ETV7: variants seen among roughly 807,000 people sequenced by gnomAD.
ETV7 encodes transcription factor ETV7.
Under a neutral mutation model 39.1 loss-of-function variants are expected in ETV7, and 43 were observed. That is an observed-to-expected ratio of 1.10 (90% CI 0.86 to 1.42). ETV7 has a LOEUF of 1.42. Among genes scored for constraint, ETV7 ranks in the 40% most tolerant of loss-of-function variants. The probability of loss-of-function intolerance (pLI) is 0.00; values close to 1 mark genes in which losing one functional copy is unlikely to be tolerated. For synonymous variants in ETV7, 196 were observed against 176.6 expected (o/e 1.11, Z -0.87); for missense variants, 432 against 442.3 (o/e 0.98, Z 0.21).
Position 36,371,481 on chromosome 6 carries a change from G to A in ETV7, c.513C>T (p.Phe171=), listed in dbSNP as rs993711705. 1.7e-5 allele frequency: 28 copies of A among 1,604,182 alleles called. No homozygotes were observed. The Middle Eastern group carries it at 3.0e-3, about 170-fold the overall frequency. Residue 171 remains phenylalanine, a synonymous_variant, in exon 5 of 8, where the codon TTC becomes TTT. Transcript: ENST00000340181. ...QPPDPGLTSN[F]GHLDDPGLAR... is the part of the protein sequence containing the mutation. ...CCAGGCCAGGGTCATCCAGGTGGCC[G>A]AAGTTGCTGGTAAGCCCTGGGTCTG...
downstream of ETV7, among the ~76,000 whole-genome samples, chr6:36,363,339 A>T (rs375888626): frequency 1.3e-5 from 2 of 151,804 alleles, no homozygotes; most frequent in African/African-American, 4.8e-5. Flanking sequence ...GGTGAGTGTT[A>T]CAGCCCTTAA....
At chr6:36,382,647 G>T (rs12208229) in intron 2 of ETV7, among the ~76,000 whole-genome samples, 1 of 152,042 alleles carries the variant, frequency 6.6e-6, no homozygotes, top group Admixed American at 6.5e-5. Flanking sequence ...CCCAAAATCT[G>T]TTCAAGCTTC....
At chr6:36,373,935 G>A (rs1360832233) in intron 3 of ETV7, among the ~76,000 whole-genome samples, 1 of 152,190 alleles carries the variant, frequency 6.6e-6, no homozygotes, top group African/African-American at 2.4e-5. Flanking sequence ...CACGTTCCTG[G>A]GAGCAGAGAC....
intron 7 of ETV7, among the ~76,000 whole-genome samples, chr6:36,360,435 G>A (rs767302808): frequency 2.6e-5 from 4 of 152,086 alleles, no homozygotes; most frequent in African/African-American, 7.2e-5. Flanking sequence ...TGCTATCAAC[G>A]GACAGCTGGC....
At position 36,375,946 on chromosome 6, in the gene ETV7, G is replaced by A. The variant is rs1316194641; in HGVS notation, c.232C>T (p.His78Tyr). 1.2e-6 allele frequency: 2 copies of A among 1,613,716 alleles called. No homozygotes were observed. The highest frequency in any genetic ancestry group is 1.7e-4 in the Middle Eastern group (1 of 6,060). Reference sequence around the variant, plus strand: ...GCGCGTCCGTTCATCTCGAACCCGTGCTCCGCGGTGCATGGCAGAGAGTAC... The same window carrying A: ...GCGCGTCCGTTCATCTCGAACCCGTACTCCGCGGTGCATGGCAGAGAGTAC... Reference protein sequence around the residue: ...QEYSLPCTAEHGFEMNGRALC... With the variant: ...QEYSLPCTAEYGFEMNGRALC... The change falls in exon 3 of 8, where the codon CAC becomes TAC. Residue 78 changes from histidine (H) to tyrosine (Y), a missense_variant. His to Tyr is a moderately conservative substitution (Grantham distance 83, BLOSUM62 2). Transcript: ENST00000340181.
Position 36,366,471 on chromosome 6 carries a change from T to G in ETV7, c.*174A>C. On this transcript the variant is annotated 3_prime_UTR_variant, in exon 8 of 8. Coordinates refer to ENST00000340181, the MANE Select transcript of ETV7 (RefSeq NM_016135.4). ...TGCCCTGCCCAAAAGATGACACTCC[T>G]GCCCCCAGTGTCCTGGATGGGAGGC... 6.8e-7 allele frequency: 1 copy of G among 1,476,210 alleles called. No individual in the cohort carries two copies. The highest frequency in any genetic ancestry group is 8.9e-7 in the Non-Finnish European group (1 of 1,120,176). 91.4% of individuals were successfully genotyped at this position (1,476,210 alleles called of 1,614,324 possible).
At chr6:36,358,129 C>A (rs1195542216) in intron 7 of ETV7, among the ~76,000 whole-genome samples, 1 of 152,178 alleles carries the variant, frequency 6.6e-6, no homozygotes, top group East Asian at 1.9e-4. Flanking sequence ...GATGCTATGG[C>A]CAGCATGACT....
At chr6:36,363,554 A>G (rs148142313), downstream of ETV7, among the ~76,000 whole-genome samples, 671 of 152,364 alleles carry the variant, frequency 4.4e-3, 3 homozygotes, top group African/African-American at 0.016. Context: ...CAGCTAATAA[A>G]AGCAGCGTGG....
chr6:36,375,806 G>T, intron 3 of ETV7, 65 bp downstream of exon 3: 3 of 1,609,808 alleles, frequency 1.9e-6, no homozygotes, highest in South Asian at 2.2e-5. Flanking sequence ...GCCCCCCGGG[G>T]GTACTTGGGC....
chr6:36,356,373 A>G (rs553623158), intron 7 of ETV7, among the ~76,000 whole-genome samples: 23 of 152,122 alleles, frequency 1.5e-4, no homozygotes, highest in African/African-American at 5.5e-4. Context: ...ACGTATCCCA[A>G]ACATATATAC....
intron 2 of ETV7, among the ~76,000 whole-genome samples, chr6:36,377,422 C>A (rs576996115): frequency 3.9e-4 from 60 of 152,332 alleles, no homozygotes; most frequent in African/African-American, 1.4e-3. Flanking sequence ...CATTGCGCCA[C>A]TGCACTCCAG....
intron 2 of ETV7, among the ~76,000 whole-genome samples, chr6:36,377,055 T>C (rs966389617): frequency 6.6e-6 from 1 of 152,234 alleles, no homozygotes; most frequent in African/African-American, 2.4e-5. Context: ...CTCCCCACGT[T>C]TCCACTTTGC....
chr6:36,369,017 T>A lies in ETV7; in HGVS notation c.719A>T (p.Glu240Val), dbSNP rs1205797026. The change falls in exon 6 of 8, where the codon GAG becomes GTG. Residue 240 changes from glutamate to valine, a missense_variant. By Grantham distance (121) the Glu-to-Val change is moderately radical. Transcript: ENST00000340181. ...VYQLLLDTRY[E>V]PYIKWEDKDA... ...CTTGTCTTCCCACTTGATGTAGGGC[T>A]CATATCGGGTATCAAGGAGCAGCTG... is the stretch of plus-strand genomic sequence containing the variant. The A allele has an allele frequency of 1.2e-6, 2 of 1,614,054 alleles. No homozygotes were observed. The highest frequency in any genetic ancestry group is 1.7e-5 in the Admixed American group (1 of 60,006).
chr6:36,385,675 G>A lies in ETV7; in HGVS notation c.7-6C>T. ...GAAATAGCCAATTCTCCCTCCTAGAGAGAGAAAAACCAGGACAGTCAAAGA... is the reference window on the plus strand; with the variant it reads ...GAAATAGCCAATTCTCCCTCCTAGAAAGAGAAAAACCAGGACAGTCAAAGA... On this transcript the variant is annotated splice_polypyrimidine_tract_variant and splice_region_variant and intron_variant, in intron 1 of 7. Coordinates refer to ENST00000340181, the MANE Select transcript of ETV7 (RefSeq NM_016135.4). The A allele has an allele frequency of 1.3e-6, 2 of 1,599,834 alleles. No individual in the cohort carries two copies. The highest frequency in any genetic ancestry group is 8.5e-7 in the Non-Finnish European group (1 of 1,175,060).
At chr6:36,374,238 T>G (rs1380047626) in intron 3 of ETV7, among the ~76,000 whole-genome samples, 1 of 151,924 alleles carries the variant, frequency 6.6e-6, no homozygotes, top group Non-Finnish European at 1.5e-5. Context: ...ATATCTGTGG[T>G]CCCAGCTACT....
At chr6:36,363,265 G>C (rs1372432862), downstream of ETV7, among the ~76,000 whole-genome samples, 1 of 152,162 alleles carries the variant, frequency 6.6e-6, no homozygotes, top group Admixed American at 6.5e-5. Context: ...GACGTGTTCA[G>C]AGTTTCTTCC....
chr6:36,354,742 T>G, intron 7 of ETV7: 1 of 680,088 alleles, frequency 1.5e-6, no homozygotes, highest in South Asian at 1.6e-5. Flanking sequence ...ATTGAATATG[T>G]AGACCAATTT....
intron 7 of ETV7, among the ~76,000 whole-genome samples, chr6:36,355,271 G>A (rs1772306646): frequency 6.6e-6 from 1 of 152,018 alleles, no homozygotes. Flanking sequence ...GTCTTGGTTT[G>A]TTGAATATTT....
chr6:36,366,033 G>C (rs971858923), downstream of ETV7, among the ~76,000 whole-genome samples: 6 of 152,140 alleles, frequency 3.9e-5, no homozygotes, highest in Non-Finnish European at 8.8e-5. Context: ...AATTAGCCGG[G>C]TGTGGTGGTG....
Sources: allele counts gnomAD v4.1 joint callset (sites outside exome capture counted in the v4.1 genomes callset), GRCh38; gene constraint gnomAD v4.1.1; transcripts MANE v1.5; gene names NCBI Gene and HGNC (gene_info 2026-07-23, HGNC 2026-07-21).